The following GRIN2A variants were observed in gnomAD, a reference collection of about 807,000 sequenced individuals.
GRIN2A encodes glutamate receptor ionotropic, NMDA 2A.
Under a neutral mutation model 113.4 loss-of-function variants are expected in GRIN2A, and 22 were observed. That is an observed-to-expected ratio of 0.19 (90% CI 0.14 to 0.28). The LOEUF is 0.28. Among genes scored for constraint, GRIN2A ranks in the 10% least tolerant of loss-of-function variants. The probability of loss-of-function intolerance (pLI) is 1.00; values close to 1 mark genes in which losing one functional copy is unlikely to be tolerated. For synonymous variants in GRIN2A, 827 were observed against 738.4 expected (o/e 1.12, Z -1.94); for missense variants, 1,502 against 1,887.0 (o/e 0.80, Z 3.78).
At chr16:9,864,889 A>G (rs1393791883) in intron 4 of GRIN2A, among the ~76,000 whole-genome samples, 1 of 152,164 alleles carries the variant, frequency 6.6e-6, no homozygotes, top group Non-Finnish European at 1.5e-5. Context: ...CCTTCTTCCA[A>G]ATGAAAGGGG....
Position 9,938,400 on chromosome 16 carries a change from G to T in GRIN2A, c.566C>A (p.Thr189Asn), listed in dbSNP as rs1377082706. 4.3e-6 allele frequency: 7 copies of T among 1,614,118 alleles called. No individual in the cohort carries two copies. The highest frequency in any genetic ancestry group is 1.6e-4 in the Middle Eastern group (1 of 6,062). Residue 189 changes from threonine (T) to asparagine (N), a missense_variant, in exon 3 of 13, where the codon ACC (threonine) becomes AAC (asparagine). Coordinates refer to ENST00000330684, the MANE Select transcript of GRIN2A (RefSeq NM_001134407.3). Reference protein sequence around the residue: ...GYREFISFVKTTVDNSFVGWD... With the variant: ...GYREFISFVKNTVDNSFVGWD... ...GCCCACAAAGCTGTTGTCCACTGTG[G>T]TCTTGACGAAGCTGATGAATTCCCT...
chr16:9,890,871 G>A, intron 4 of GRIN2A, 115 bp downstream of exon 4: 1 of 737,194 alleles, frequency 1.4e-6, no homozygotes, highest in Non-Finnish European at 2.5e-6. Flanking sequence ...TTGGCTGTGA[G>A]ATGGGATCTA....
At chr16:9,983,589 G>A (rs771501642) in intron 2 of GRIN2A, among the ~76,000 whole-genome samples, 11 of 151,790 alleles carry the variant, frequency 7.2e-5, no homozygotes, top group South Asian at 2.1e-4. Context: ...ACAGGCACCC[G>A]CCACTATACC....
At chr16:10,139,057 G>A (rs2049265809) in intron 2 of GRIN2A, among the ~76,000 whole-genome samples, 1 of 152,214 alleles carries the variant, frequency 6.6e-6, no homozygotes, top group African/African-American at 2.4e-5. Flanking sequence ...GACCAGTCGT[G>A]TGTGAAATGC....
intron 2 of GRIN2A, among the ~76,000 whole-genome samples, chr16:10,143,578 A>G (rs1567329989): frequency 5.3e-5 from 8 of 152,222 alleles, no homozygotes; most frequent in Non-Finnish European, 2.9e-5. Context: ...TAATATACTT[A>G]CTGAAACTTT....
intron 2 of GRIN2A, among the ~76,000 whole-genome samples, chr16:10,125,994 G>T (rs1033896923): frequency 2.6e-5 from 4 of 152,024 alleles, no homozygotes; most frequent in African/African-American, 9.7e-5. Context: ...AGGAGCCCCA[G>T]ACTCCTTCCT....
In GRIN2A at chr16:10,114,933, A is replaced by C. The variant is rs147960005; in HGVS notation, c.414+65065T>G. ...TATTTCACTTAAAATTCCAATTTTC[A>C]GTTTCTTCCTGAAAACATGGAAGAA... On this transcript the variant is annotated intron_variant, in intron 2 of 12. Transcript: ENST00000330684. Among the ~76,000 whole-genome samples the C allele has an allele frequency of 7.4e-4, 113 of 152,370 alleles. 1 individual carries two copies. Among genetic ancestry groups the C allele is most frequent in the African/African-American group, 2.6e-3 (107 of 41,588 alleles).
Position 10,146,582 on chromosome 16 carries a change from C to T in GRIN2A, c.414+33416G>A, listed in dbSNP as rs145517065. ...GCCAGTGAGGGACTAAAGACTCCCC[C>T]ACAGAGTATAAATTGCCATGTCTAT... On this transcript the variant is annotated intron_variant, in intron 2 of 12. Coordinates refer to ENST00000330684, the MANE Select transcript of GRIN2A (RefSeq NM_001134407.3). Among the ~76,000 whole-genome samples the T allele has an allele frequency of 2.3e-3, 345 of 152,090 alleles. 1 individual carries two copies. Among genetic ancestry groups the T allele is most frequent in the African/African-American group, 7.7e-3 (318 of 41,478 alleles).
chr16:9,761,478 C>T lies in GRIN2A; in HGVS notation c.*1671G>A, dbSNP rs1220303126. ...TGCAAACACTGATGGCTAGTTATCC[C>T]AAATACTTCAAAAATATTCATGTAC... is the stretch of plus-strand genomic sequence containing the variant. On this transcript the variant is annotated 3_prime_UTR_variant, in exon 13 of 13. Transcript: ENST00000330684. 1.7e-5 allele frequency: 4 copies of T among 230,270 alleles called. No homozygotes were observed. Among genetic ancestry groups the T allele is most frequent in the Non-Finnish European group, 2.6e-5 (3 of 116,376 alleles). The allele number at this position is 230,270 out of a possible 1,614,324, so 14.3% of individuals were successfully genotyped here.
chr16:9,920,037 A>T (rs1414257692), intron 3 of GRIN2A, among the ~76,000 whole-genome samples: 1 of 152,218 alleles, frequency 6.6e-6, no homozygotes, highest in African/African-American at 2.4e-5. Context: ...ATCCCATATC[A>T]ATAGCAAATT....
chr16:10,012,070 T>A (rs1473162305), intron 2 of GRIN2A, among the ~76,000 whole-genome samples: 1 of 152,210 alleles, frequency 6.6e-6, no homozygotes, highest in Non-Finnish European at 1.5e-5. Flanking sequence ...GATTTTGGCT[T>A]TTTTTGTAAG....
intron 2 of GRIN2A, among the ~76,000 whole-genome samples, chr16:10,133,217 C>A (rs182087480): frequency 3.9e-4 from 60 of 152,310 alleles, no homozygotes; most frequent in African/African-American, 1.4e-3. Flanking sequence ...TTTGAGAGGT[C>A]GTAGTTCTGC....
chr16:10,023,877 T>C (rs944277758), intron 2 of GRIN2A, among the ~76,000 whole-genome samples: 3 of 152,206 alleles, frequency 2.0e-5, no homozygotes, highest in Non-Finnish European at 4.4e-5. Flanking sequence ...TCCCAAAACA[T>C]TGCAGTGATG....
At chr16:10,052,448 T>C (rs920460018) in intron 2 of GRIN2A, among the ~76,000 whole-genome samples, 8 of 152,140 alleles carry the variant, frequency 5.3e-5, no homozygotes, top group African/African-American at 1.9e-4. Flanking sequence ...TGCACTGAAC[T>C]TCCAACAGGA....
At chr16:10,076,629 CACACAAGGAGGAA>C (rs2047878437) in intron 2 of GRIN2A, among the ~76,000 whole-genome samples, 1 of 152,126 alleles carries the variant, frequency 6.6e-6, no homozygotes, top group South Asian at 2.1e-4. Flanking sequence ...GGCTCTGAGA[CACACAAGGAGGAA>C]AAGACCCAAG....
chr16:9,828,823 C>G (rs998265875), intron 9 of GRIN2A, among the ~76,000 whole-genome samples: 1 of 152,030 alleles, frequency 6.6e-6, no homozygotes, highest in Non-Finnish European at 1.5e-5. Context: ...TAGAAAGAAC[C>G]AGTGGGAAAT....
chr16:10,111,699 G>C (rs912856039), intron 2 of GRIN2A: 2 of 1,561,452 alleles, frequency 1.3e-6, no homozygotes, highest in African/African-American at 2.7e-5. Context: ...AGGTGCATAA[G>C]GTCAAGAAGT....
chr16:9,837,999 G>A (rs552514918), intron 7 of GRIN2A, among the ~76,000 whole-genome samples: 1 of 152,304 alleles, frequency 6.6e-6, no homozygotes, highest in Admixed American at 6.5e-5. Context: ...CTGAATGTAA[G>A]GCAGTGTCCA....
At position 9,920,877 on chromosome 16, in the gene GRIN2A, A is replaced by G. The variant is rs970708084; in HGVS notation, c.1007+17082T>C. Among the ~76,000 whole-genome samples, 4 of 152,264 alleles carry G rather than the reference A, an allele frequency of 2.6e-5. No individual in the cohort carries two copies. In the South Asian group the frequency reaches 8.3e-4, roughly 32 times the overall value. On this transcript the variant is annotated intron_variant, in intron 3 of 12. Coordinates refer to ENST00000330684, the MANE Select transcript of GRIN2A (RefSeq NM_001134407.3). Reference sequence around the variant, plus strand: ...GGTTTGCACCCAGTATCACAATTAAATCTTGGTTTCCTTCTTTCTTTCTAC... The same window carrying G: ...GGTTTGCACCCAGTATCACAATTAAGTCTTGGTTTCCTTCTTTCTTTCTAC...
Sources: gnomAD v4.1 joint callset for allele counts (sites outside exome capture counted in the v4.1 genomes callset) on GRCh38, gnomAD v4.1.1 for gene constraint, MANE v1.5 for transcripts, NCBI Gene and HGNC (gene_info 2026-07-23, HGNC 2026-07-21) for gene names.